The following NF1 variants were observed in gnomAD, a reference collection of about 807,000 sequenced individuals.
NF1 encodes neurofibromin 1, also known as neurofibromin.
Under a neutral mutation model 325.7 loss-of-function variants are expected in NF1, and 122 were observed. The ratio of observed to expected loss-of-function variants is 0.37; its 90% CI spans 0.32 to 0.44. The LOEUF is 0.44. Ranked by LOEUF, NF1 falls within the 20% of genes least tolerant of loss-of-function variation. The probability of loss-of-function intolerance (pLI) is 1.00; values close to 1 mark genes in which losing one functional copy is unlikely to be tolerated. For missense variants in NF1, 2,140 were observed against 3,415.4 expected (o/e 0.63, Z 9.31); for synonymous variants, 1,091 against 1,186.0 (o/e 0.92, Z 1.65).
intron 30 of NF1, chr17:31,250,392 A>G: frequency 4.6e-6 from 1 of 216,288 alleles, no homozygotes. Flanking sequence ...GAAATAGCAC[A>G]TATTAAAAAT....
chr17:31,372,679 A>G (rs2070666539), intron 57 of NF1, among the ~76,000 whole-genome samples: 1 of 152,188 alleles, frequency 6.6e-6, no homozygotes, highest in African/African-American at 2.4e-5. Context: ...ATCTTATTTT[A>G]GTTTCTGGTT....
intron 8 of NF1, 121 bp downstream of exon 8, chr17:31,182,786 C>T: frequency 1.1e-6 from 1 of 951,388 alleles, no homozygotes; most frequent in Non-Finnish European, 1.6e-6. Flanking sequence ...TTTAAATGAT[C>T]ATTTTAGGTT....
At chr17:31,290,176 G>A (rs917422869) in intron 36 of NF1, among the ~76,000 whole-genome samples, 1 of 151,746 alleles carries the variant, frequency 6.6e-6, no homozygotes, top group Admixed American at 6.6e-5. Context: ...AGCATAATGG[G>A]GATTTTGTAT....
chr17:31,212,292 C>T (rs1292225142), intron 12 of NF1, among the ~76,000 whole-genome samples: 2 of 152,198 alleles, frequency 1.3e-5, no homozygotes, highest in African/African-American at 2.4e-5. Context: ...GGGGAAATAA[C>T]GTGTGGAGCT....
chr17:31,166,226 G>A (rs1031948983), intron 4 of NF1, among the ~76,000 whole-genome samples: 1 of 151,862 alleles, frequency 6.6e-6, no homozygotes, highest in Non-Finnish European at 1.5e-5. Context: ...TTACTATTTG[G>A]TTCCATACAA....
In NF1 at chr17:31,248,895, A is replaced by G. The variant is rs571168827; in HGVS notation, c.3975-89A>G. 3 of 1,309,182 alleles carry G rather than the reference A, an allele frequency of 2.3e-6. No homozygotes were observed. In the Admixed American group the frequency reaches 5.6e-5, roughly 24 times the overall value. 81.1% of individuals were successfully genotyped at this position (1,309,182 alleles called of 1,614,324 possible). On this transcript the variant is annotated intron_variant, in intron 29 of 57. Coordinates refer to ENST00000358273, the MANE Select transcript of NF1 (RefSeq NM_001042492.3). ...GAAGTCTACACGTTGCACTTGGCTT[A>G]ATGTCTGTATAAGAGTCTCTTTTAA...
At chr17:31,141,752 G>C (rs1346895125) in intron 1 of NF1, among the ~76,000 whole-genome samples, 1 of 152,140 alleles carries the variant, frequency 6.6e-6, no homozygotes. Flanking sequence ...CAGTCAAGCT[G>C]TTGGCTGGGG....
intron 48 of NF1, among the ~76,000 whole-genome samples, chr17:31,345,134 A>C (rs142255415): frequency 0.023 from 3,459 of 152,262 alleles, 71 homozygotes; most frequent in Non-Finnish European, 0.037. Flanking sequence ...AAAGACAAGA[A>C]AAGAAAAGAA....
intron 8 of NF1, among the ~76,000 whole-genome samples, chr17:31,187,447 C>T (rs750535003): frequency 6.6e-6 from 1 of 152,144 alleles, no homozygotes; most frequent in South Asian, 2.1e-4. Flanking sequence ...CTGCCCCCCT[C>T]GGCCTCCCAA....
At chr17:31,138,051 C>T (rs1185701239) in intron 1 of NF1, 2 of 152,046 alleles carry the variant, frequency 1.3e-5, no homozygotes, top group Non-Finnish European at 2.9e-5. Flanking sequence ...ATGGGTCTTA[C>T]TTAGTTTAGA....
intron 36 of NF1, chr17:31,320,390 G>A (rs758469470): frequency 6.2e-7 from 1 of 1,608,396 alleles, no homozygotes; most frequent in Non-Finnish European, 8.5e-7. Flanking sequence ...GTATAGGTAG[G>A]GCCTGAAAGT....
intron 29 of NF1, among the ~76,000 whole-genome samples, chr17:31,239,131 A>G (rs1745313117): frequency 6.6e-6 from 1 of 152,228 alleles, no homozygotes; most frequent in Non-Finnish European, 1.5e-5. Context: ...TGGAACTTTG[A>G]AATTGTCAAA....
intron 51 of NF1, among the ~76,000 whole-genome samples, chr17:31,355,400 CCGGA>C (rs2070247730): frequency 6.6e-6 from 1 of 152,024 alleles, no homozygotes; most frequent in Admixed American, 6.6e-5. Flanking sequence ...AACGAAGAAG[CCGGA>C]CTAGATCCCT....
chr17:31,177,147 T>A (rs1320612858), intron 5 of NF1, among the ~76,000 whole-genome samples: 1 of 152,138 alleles, frequency 6.6e-6, no homozygotes, highest in African/African-American at 2.4e-5. Flanking sequence ...GCATGGAATG[T>A]TTTTCCGTTT....
At chr17:31,296,473 A>C (rs1203179847) in intron 36 of NF1, 1 of 809,234 alleles carries the variant, frequency 1.2e-6, no homozygotes, top group East Asian at 2.5e-5. Flanking sequence ...CCAGTGATTA[A>C]ACTAACAAAG....
At chr17:31,095,970 C>G (rs1341523975) in intron 1 of NF1, among the ~76,000 whole-genome samples, 1 of 152,060 alleles carries the variant, frequency 6.6e-6, no homozygotes, top group Non-Finnish European at 1.5e-5. Flanking sequence ...CTCATCCTGC[C>G]CCGAGAGCTT....
rs936519624 is a variant in NF1 at position 31,318,241 on chromosome 17, A to G, written c.4836-7579A>G. 75 of 1,532,020 alleles carry G rather than the reference A, an allele frequency of 4.9e-5. 1 individual carries two copies. The South Asian group carries it at 9.5e-4, about 19-fold the overall frequency. 94.9% of individuals were successfully genotyped at this position (1,532,020 alleles called of 1,614,324 possible). A position where few individuals can be genotyped will look rare whatever the true frequency, so the allele number is the denominator to read the frequency against. On this transcript the variant is annotated intron_variant, in intron 36 of 57. Coordinates refer to ENST00000358273, the MANE Select transcript of NF1 (RefSeq NM_001042492.3). ...AATCAGAACAACACTTTGGGATTAAATACCAACTGACTTCATTTTTACTCC... is the reference window on the plus strand; with the variant it reads ...AATCAGAACAACACTTTGGGATTAAGTACCAACTGACTTCATTTTTACTCC...
At chr17:31,257,117 A>T (rs1194808982) in intron 31 of NF1, among the ~76,000 whole-genome samples, 1 of 152,054 alleles carries the variant, frequency 6.6e-6, no homozygotes, top group East Asian at 1.9e-4. Flanking sequence ...TTGTGTCATA[A>T]TTTCCTGTCA....
intron 29 of NF1, among the ~76,000 whole-genome samples, chr17:31,241,472 G>A (rs181012876): frequency 2.6e-5 from 4 of 152,120 alleles, no homozygotes; most frequent in Admixed American, 2.0e-4. Context: ...TTTCACAGAT[G>A]ATATGTGTTA....
Sources: allele counts gnomAD v4.1 joint callset (sites outside exome capture counted in the v4.1 genomes callset), GRCh38; gene constraint gnomAD v4.1.1; transcripts MANE v1.5; gene names NCBI Gene and HGNC (gene_info 2026-07-23, HGNC 2026-07-21).